The following PCNX1 variants were observed in gnomAD, a reference collection of about 807,000 sequenced individuals.
The protein encoded by PCNX1 is pecanex-like protein 1.
PCNX1 carries 78 observed loss-of-function variants against 242.2 expected under a neutral mutation model. The ratio of observed to expected loss-of-function variants is 0.32; its 90% CI spans 0.27 to 0.39. The LOEUF is 0.39. Among genes scored for constraint, PCNX1 ranks in the 10% least tolerant of loss-of-function variants. The pLI is 1.00. For missense variants in PCNX1, 2,581 were observed against 2,856.5 expected (o/e 0.90, Z 2.20); for synonymous variants, 1,024 against 1,032.9 (o/e 0.99, Z 0.17).
At chr14:71,104,273 G>T (rs924311463) in intron 32 of PCNX1, among the ~76,000 whole-genome samples, 2 of 152,126 alleles carry the variant, frequency 1.3e-5, no homozygotes, top group African/African-American at 2.4e-5. Context: ...CATAAGGGTT[G>T]TTCAGATTCT....
chr14:71,017,552 A>G (rs1228772105), intron 11 of PCNX1, among the ~76,000 whole-genome samples: 1 of 152,242 alleles, frequency 6.6e-6, no homozygotes, highest in Non-Finnish European at 1.5e-5. Flanking sequence ...TTCTAGAAAA[A>G]AAAGAAAACA....
At chr14:71,066,114 A>G (rs2061440113) in intron 26 of PCNX1, among the ~76,000 whole-genome samples, 1 of 152,194 alleles carries the variant, frequency 6.6e-6, no homozygotes, top group Non-Finnish European at 1.5e-5. Flanking sequence ...TTGGTTCCAT[A>G]TGAAATTTAA....
chr14:71,047,907 T>C lies in PCNX1; in HGVS notation c.4261T>C (p.Phe1421Leu), dbSNP rs1320452838. 6.2e-7 allele frequency: 1 copy of C among 1,613,344 alleles called. No individual in the cohort carries two copies. Among genetic ancestry groups the C allele is most frequent in the Non-Finnish European group, 8.5e-7 (1 of 1,179,446 alleles). Residue 1421 changes from phenylalanine to leucine, a missense_variant, in exon 22 of 36, where the codon TTT becomes CTT. Physicochemically the swap from Phe to Leu is conservative, Grantham distance 22 (BLOSUM62 0). This residue lies in a region of PCNX1 where 432 missense variants were observed against 443.1 expected (regional missense o/e 0.97). Transcript: ENST00000304743. The stretch of plus-strand genomic sequence containing the variant: ...TGTTACAGTCATCTTTACTGTGCTG[T>C]TTTTCAAATTTGACTATGAAGCTTT... ...QYVTVIFTVL[F>L]FKFDYEAFSE...
chr14:71,083,132 C>T (rs1006083312), intron 28 of PCNX1, among the ~76,000 whole-genome samples: 1 of 152,116 alleles, frequency 6.6e-6, no homozygotes, highest in Non-Finnish European at 1.5e-5. Flanking sequence ...GCTGGATATG[C>T]AATTCTGGGT....
intron 19 of PCNX1, among the ~76,000 whole-genome samples, chr14:71,040,598 G>A (rs2060675563): frequency 6.6e-6 from 1 of 152,048 alleles, no homozygotes; most frequent in African/African-American, 2.4e-5. Context: ...GGCATGCAGT[G>A]TGTAATAATC....
At chr14:71,063,378 G>A (rs543034266) in intron 26 of PCNX1, among the ~76,000 whole-genome samples, 261 of 152,276 alleles carry the variant, frequency 1.7e-3, no homozygotes, top group Middle Eastern at 3.4e-3. Context: ...ATTGTAAAGG[G>A]CAGGAATCAC....
At chr14:71,060,138 C>T (rs2061288506) in intron 26 of PCNX1, among the ~76,000 whole-genome samples, 1 of 152,072 alleles carries the variant, frequency 6.6e-6, no homozygotes, top group Admixed American at 6.6e-5. Flanking sequence ...CACAATGGTC[C>T]CTTAAGATTA....
chr14:71,050,624 A>C, intron 22 of PCNX1, 28 bp from the exon 23 acceptor site: 1 of 1,422,836 alleles, frequency 7.0e-7, no homozygotes, highest in Non-Finnish European at 9.3e-7. Context: ...TTTTTTTTTT[A>C]CTGACAGCCA....
At position 70,969,086 on chromosome 14, in the gene PCNX1, T is replaced by C. The variant is rs1226139333; in HGVS notation, c.580T>C (p.Cys194Arg). ...SLSLGQSSSL[C>R]KEGSEEQDLA... ...AAGTCTGGGCCAAAGTTCTAGTCTTTGTAAGGAAGGAAGTGAAGAACAAGG... is the reference window on the plus strand; with the variant it reads ...AAGTCTGGGCCAAAGTTCTAGTCTTCGTAAGGAAGGAAGTGAAGAACAAGG... Residue 194 changes from cysteine (C) to arginine (R), a missense_variant, in exon 5 of 36, where the codon TGT (cysteine) becomes CGT (arginine). By Grantham distance (180) the Cys-to-Arg change is radical (BLOSUM62 -3). Coordinates refer to ENST00000304743, the MANE Select transcript of PCNX1 (RefSeq NM_014982.3). 1 of 1,607,430 alleles carries C rather than the reference T, an allele frequency of 6.2e-7. No individual in the cohort carries two copies. The highest frequency in any genetic ancestry group is 8.5e-7 in the Non-Finnish European group (1 of 1,174,010).
rs139544566 is a variant in PCNX1, at chr14:71,108,714, C to T, written c.6412C>T (p.Leu2138Phe). The T allele has an allele frequency of 1.2e-6, 2 of 1,614,220 alleles. No homozygotes were observed. The highest frequency in any genetic ancestry group is 1.7e-6 in the Non-Finnish European group (2 of 1,180,014). Residue 2138 changes from leucine to phenylalanine, a missense_variant, in exon 34 of 36, where the codon CTC becomes TTC. Physicochemically the swap from Leu to Phe is conservative, Grantham distance 22. Coordinates refer to ENST00000304743, the MANE Select transcript of PCNX1 (RefSeq NM_014982.3). ...CTGCTATAGCAGCCGGCATTCATCC[C>T]TCCGGATGTCCACCACTGGGTTTGT... ...SYCYSSRHSS[L>F]RMSTTGFVPC...
At chr14:70,931,260 A>C (rs2056788246) in intron 1 of PCNX1, among the ~76,000 whole-genome samples, 1 of 152,018 alleles carries the variant, frequency 6.6e-6, no homozygotes, top group Admixed American at 6.6e-5. Flanking sequence ...CCAACTCCCC[A>C]CCCCTTCAGG....
intron 1 of PCNX1, among the ~76,000 whole-genome samples, chr14:70,941,006 A>T (rs2057218366): frequency 6.6e-6 from 1 of 152,008 alleles, no homozygotes; most frequent in South Asian, 2.1e-4. Flanking sequence ...TACATTGTTT[A>T]TTCTAGTTAG....
intron 26 of PCNX1, among the ~76,000 whole-genome samples, chr14:71,069,881 A>G (rs780942589): frequency 3.3e-5 from 5 of 152,194 alleles, no homozygotes; most frequent in Non-Finnish European, 1.5e-5. Flanking sequence ...AGTTTGCTAC[A>G]TTTATTGACT....
intron 23 of PCNX1, among the ~76,000 whole-genome samples, chr14:71,051,194 A>T (rs924628658): frequency 7.8e-6 from 1 of 128,982 alleles, no homozygotes; most frequent in Non-Finnish European, 1.6e-5. Context: ...AAAAAAAAAA[A>T]AAAATCATAA....
At chr14:70,979,121 T>A (rs2058763937) in intron 6 of PCNX1, among the ~76,000 whole-genome samples, 1 of 152,208 alleles carries the variant, frequency 6.6e-6, no homozygotes, top group Non-Finnish European at 1.5e-5. Context: ...ATTATGTACA[T>A]TGAGAATTGT....
rs748327668 is a variant in PCNX1 at position 70,978,042 on chromosome 14, G to A, written c.1705G>A (p.Ala569Thr). Residue 569 changes from alanine (A) to threonine (T), a missense_variant, in exon 6 of 36, where the codon GCT becomes ACT. This residue lies in a region of PCNX1 where 1,204 missense variants were observed against 1,216.7 expected (regional missense o/e 0.99). Transcript: ENST00000304743. ...CAGGAGACGCACAGGAAAAAAACGGGCTAGCAGTTTTGATTCAAGCCGGCA... is the reference window on the plus strand; with the variant it reads ...CAGGAGACGCACAGGAAAAAAACGGACTAGCAGTTTTGATTCAAGCCGGCA... ...SGRRRTGKKR[A>T]SSFDSSRHRD... 6.2e-7 allele frequency: 1 copy of A among 1,614,074 alleles called. No homozygotes were observed. The highest frequency in any genetic ancestry group is 1.1e-5 in the South Asian group (1 of 91,076).
chr14:70,974,066 T>TG (rs1348264737), intron 5 of PCNX1, among the ~76,000 whole-genome samples: 2 of 144,776 alleles, frequency 1.4e-5, no homozygotes, highest in Non-Finnish European at 3.0e-5. Context: ...TATATGTGGT[T>TG]TTTTTTTTTT....
chr14:71,103,860 T>C (rs2062531244), intron 32 of PCNX1, among the ~76,000 whole-genome samples, 191 bp downstream of exon 32: 1 of 152,232 alleles, frequency 6.6e-6, no homozygotes, highest in Non-Finnish European at 1.5e-5. Context: ...ATAAATCTGA[T>C]GTATAACTGG....
chr14:70,935,123 A>G (rs926225772), intron 1 of PCNX1, among the ~76,000 whole-genome samples: 2 of 152,242 alleles, frequency 1.3e-5, no homozygotes, highest in Non-Finnish European at 2.9e-5. Context: ...ATAGTGGAAA[A>G]TAAATGTGTA....
Sources: allele counts gnomAD v4.1 joint callset (sites outside exome capture counted in the v4.1 genomes callset), GRCh38; gene constraint gnomAD v4.1.1; regional missense constraint gnomAD v4.1.1; transcripts MANE v1.5; gene names NCBI Gene and HGNC (gene_info 2026-07-23, HGNC 2026-07-21).